The following GSTM2 variants were observed in gnomAD, a reference collection of about 807,000 sequenced individuals.
GSTM2 encodes GST class-mu 2.
In GSTM2, 33 loss-of-function variants were observed where a neutral mutation model predicts 33.3. That is an observed-to-expected ratio of 0.99 (90% CI 0.75 to 1.33). The LOEUF (loss-of-function observed/expected upper bound fraction) is 1.33. Among genes scored for constraint, GSTM2 ranks in the 40% most tolerant of loss-of-function variants. GSTM2 has a pLI of 0.00. For synonymous variants in GSTM2, 93 were observed against 95.6 expected (o/e 0.97, Z 0.16); for missense variants, 213 against 265.8 (o/e 0.80, Z 1.38).
intron 6 of GSTM2, 35 bp downstream of exon 6, chr1:109,671,417 T>C (rs373623111): frequency 3.2e-6 from 5 of 1,579,748 alleles, no homozygotes; most frequent in Non-Finnish European, 4.4e-6. Flanking sequence ...ACCACAGATT[T>C]GTCATACTTC....
chr1:109,669,145 C>T, intron 3 of GSTM2, 145 bp from the exon 4 acceptor site: 2 of 1,264,958 alleles, frequency 1.6e-6, no homozygotes, highest in Non-Finnish European at 2.3e-6. Flanking sequence ...GTTCTGTGTC[C>T]CAGCTCATTT....
intron 7 of GSTM2, chr1:109,673,448 G>A (rs957424289): frequency 1.6e-6 from 1 of 618,606 alleles, no homozygotes. Context: ...ACAGGCTTCT[G>A]AGCCTTGAAT....
intron 5 of GSTM2, 175 bp from the exon 6 acceptor site, chr1:109,671,112 T>A: frequency 1.6e-6 from 1 of 609,344 alleles, no homozygotes; most frequent in South Asian, 2.0e-5. Flanking sequence ...AGCTACCCAG[T>A]TGGAGTCTAA....
intron 7 of GSTM2, chr1:109,673,164 C>G (rs774422300): frequency 6.2e-7 from 1 of 1,607,968 alleles, no homozygotes; most frequent in East Asian, 2.2e-5. Flanking sequence ...GCCACCGCGC[C>G]TGGCCTCTTC....
rs1345809655 is a variant in GSTM2 at position 109,668,483 on chromosome 1, A to G, written c.95A>G (p.Lys32Arg). The G allele has an allele frequency of 6.2e-7, 1 of 1,614,076 alleles. No individual in the cohort carries two copies. Among genetic ancestry groups the G allele is most frequent in the Admixed American group, 1.7e-5 (1 of 60,012 alleles). Residue 32 changes from lysine to arginine, a missense_variant, in exon 2 of 8, where the codon AAG becomes AGG. Physicochemically the swap from Lys to Arg is conservative, Grantham distance 26. Coordinates refer to ENST00000241337, the MANE Select transcript of GSTM2 (RefSeq NM_000848.4). Reference sequence around the variant, plus strand: ...ACAGACTCAAGCTACGAGGAAAAGAAGTACACGATGGGGGACGGTAATGGC... The same window carrying G: ...ACAGACTCAAGCTACGAGGAAAAGAGGTACACGATGGGGGACGGTAATGGC... ...EYTDSSYEEKKYTMGDAPDYD... is the reference protein window; with the variant it reads ...EYTDSSYEEKRYTMGDAPDYD...
chr1:109,674,424 G>A (rs1320323400), intron 7 of GSTM2, among the ~76,000 whole-genome samples: 2 of 152,146 alleles, frequency 1.3e-5, no homozygotes, highest in African/African-American at 2.4e-5. Flanking sequence ...CATGACAAAT[G>A]GTGATAATAG....
downstream of GSTM2, among the ~76,000 whole-genome samples, chr1:109,679,505 G>A (rs542960152): frequency 1.3e-5 from 2 of 152,204 alleles, no homozygotes; most frequent in Non-Finnish European, 2.9e-5. Flanking sequence ...ATACCTTCAA[G>A]TTTTCTACCT....
downstream of GSTM2, among the ~76,000 whole-genome samples, chr1:109,679,152 AT>A (rs931161230): frequency 3.1e-4 from 45 of 147,220 alleles, no homozygotes; most frequent in East Asian, 4.0e-4. Flanking sequence ...TCATCTTATG[AT>A]TTTTTTTTTT....
In GSTM2 at chr1:109,668,991, T is replaced by C; in HGVS notation, c.177+2T>C. ...AAGCTGGGCCTGGACTTTCCCAATGTAGGTGCAGGGGAAGGGGCGGTTTTG... is the reference window on the plus strand; with the variant it reads ...AAGCTGGGCCTGGACTTTCCCAATGCAGGTGCAGGGGAAGGGGCGGTTTTG... On this transcript the variant is annotated splice_donor_variant, in intron 3 of 7. Coordinates refer to ENST00000241337, the MANE Select transcript of GSTM2 (RefSeq NM_000848.4). LOFTEE classifies it high-confidence loss of function. The C allele has an allele frequency of 6.2e-7, 1 of 1,611,828 alleles. No individual in the cohort carries two copies. The highest frequency in any genetic ancestry group is 1.3e-5 in the African/African-American group (1 of 74,884).
At chr1:109,680,470 T>A (rs1392625791) in intron 7 of GSTM2, among the ~76,000 whole-genome samples, 6 of 145,976 alleles carry the variant, frequency 4.1e-5, no homozygotes, top group South Asian at 2.3e-4. Context: ...TCCTGGTAAA[T>A]CTCCGTGTTG....
chr1:109,669,036 TCTGA>T (rs1280104182), intron 3 of GSTM2, 47 bp downstream of exon 3: 1 of 1,575,572 alleles, frequency 6.3e-7, no homozygotes, highest in South Asian at 1.1e-5. Flanking sequence ...GCGACGTGTC[TCTGA>T]CTGCATCTCC....
At position 109,674,884 on chromosome 1, in the gene GSTM2, C is replaced by T. The variant is rs1256157732; in HGVS notation, c.*48C>T. The T allele has an allele frequency of 3.7e-6, 6 of 1,605,924 alleles. No individual in the cohort carries two copies. The South Asian group carries it at 6.6e-5, about 18-fold the overall frequency. On this transcript the variant is annotated 3_prime_UTR_variant, in exon 8 of 8. Coordinates refer to ENST00000241337, the MANE Select transcript of GSTM2 (RefSeq NM_000848.4). The stretch of plus-strand genomic sequence containing the variant: ...GAGTGAGGAGCCCATACTCAGCCTG[C>T]TGCCCAGGCTGTGCAGCGCAGCTGG...
rs763430455 is a variant in GSTM2, at chr1:109,669,588, C to A, written c.360+17C>A. ...CCAGATTTTGTAAGTCCCCCCACCC[C>A]ACTCCCAGTCTCCCCTTCCCTACTC... On this transcript the variant is annotated intron_variant, in intron 5 of 7. Transcript: ENST00000241337. 8.9e-6 allele frequency: 13 copies of A among 1,462,172 alleles called. No homozygotes were observed. The highest frequency in any genetic ancestry group is 1.2e-5 in the Non-Finnish European group (13 of 1,043,880). The allele number at this position is 1,462,172 out of a possible 1,614,324, so 90.6% of individuals were successfully genotyped here.
intron 7 of GSTM2, among the ~76,000 whole-genome samples, chr1:109,672,483 G>A (rs1647580643): frequency 1.3e-5 from 2 of 152,358 alleles, no homozygotes; most frequent in Non-Finnish European, 2.9e-5. Context: ...CCCAGAGCCA[G>A]TGGAGGCTGT....
Position 109,669,500 on chromosome 1 carries a change from G to A in GSTM2, c.289G>A (p.Glu97Lys). 3.7e-6 allele frequency: 6 copies of A among 1,613,948 alleles called. No individual in the cohort carries two copies. Among genetic ancestry groups the A allele is most frequent in the Non-Finnish European group, 5.1e-6 (6 of 1,179,862 alleles). ...CGESEKEQIR[E>K]DILENQFMDS... ...GGAATCAGAAAAGGAGCAGATTCGC[G>A]AAGACATTTTGGAGAACCAGTTTAT... is the stretch of plus-strand genomic sequence containing the variant. Residue 97 changes from glutamate (E) to lysine (K), a missense_variant, in exon 5 of 8, where the codon GAA becomes AAA. Transcript: ENST00000241337.
At chr1:109,677,467 G>C (rs71663084), downstream of GSTM2, among the ~76,000 whole-genome samples, 78 of 152,270 alleles carry the variant, frequency 5.1e-4, no homozygotes, top group African/African-American at 1.8e-3. Context: ...ACTTACTCTG[G>C]TATAATGAAA....
At chr1:109,679,206 C>T (rs186096161), downstream of GSTM2, among the ~76,000 whole-genome samples, 160 of 151,958 alleles carry the variant, frequency 1.1e-3, no homozygotes, top group African/African-American at 3.8e-3. Flanking sequence ...CATGGTGGCT[C>T]ATGCCTGTAT....
downstream of GSTM2, among the ~76,000 whole-genome samples, chr1:109,679,231 G>T (rs1647795856): frequency 6.6e-6 from 1 of 152,052 alleles, no homozygotes; most frequent in Non-Finnish European, 1.5e-5. Context: ...AGCACTTTGG[G>T]AGGCCGAGGC....
chr1:109,670,398 G>A (rs796524955), intron 5 of GSTM2, among the ~76,000 whole-genome samples: 2 of 152,160 alleles, frequency 1.3e-5, no homozygotes, highest in African/African-American at 4.8e-5. Context: ...CCAAATACAC[G>A]GGTCCTGTTT....
Sources: gnomAD v4.1 joint callset for allele counts (sites outside exome capture counted in the v4.1 genomes callset) on GRCh38, gnomAD v4.1.1 for gene constraint, MANE v1.5 for transcripts, NCBI Gene and HGNC (gene_info 2026-07-23, HGNC 2026-07-21) for gene names.